Variants in ACAD11 observed in about 807,000 individuals in gnomAD.
The protein encoded by ACAD11 is acyl-CoA dehydrogenase family member 11.
A neutral mutation model predicts 102.2 loss-of-function variants in ACAD11; 83 were observed. The observed-to-expected ratio is 0.81, with a 90% CI of 0.68 to 0.97. The LOEUF is 0.97. Among genes scored for constraint, ACAD11 ranks in the 50% least tolerant of loss-of-function variants. ACAD11 has a pLI of 0.00. For missense variants in ACAD11, 901 were observed against 951.7 expected, an observed-to-expected ratio of 0.95 and a Z score of 0.70; for synonymous variants, 324 against 319.8, an observed-to-expected ratio of 1.01 and a Z score of -0.14.
At chr3:132,616,141 G>C (rs1451648860) in intron 11 of ACAD11, among the ~76,000 whole-genome samples, 1 of 152,094 alleles carries the variant, frequency 6.6e-6, no homozygotes, top group African/African-American at 2.4e-5. Flanking sequence ...AAGAGAAAAC[G>C]CCTAGTTTTC....
At chr3:132,600,524 T>C (rs1170009053) in intron 13 of ACAD11, 1 of 1,613,920 alleles carries the variant, frequency 6.2e-7, no homozygotes, top group Admixed American at 1.7e-5. Context: ...TGCAAAAGTT[T>C]TCCTCCCTGT....
chr3:132,565,646 TC>T (rs1274321339), intron 17 of ACAD11, among the ~76,000 whole-genome samples: 4 of 152,156 alleles, frequency 2.6e-5, no homozygotes, highest in African/African-American at 9.7e-5. Flanking sequence ...CTCCTCCAAA[TC>T]GCATATTGAA....
At chr3:132,577,916 T>C (rs2107793475) in intron 15 of ACAD11, among the ~76,000 whole-genome samples, 1 of 152,324 alleles carries the variant, frequency 6.6e-6, no homozygotes, top group East Asian at 1.9e-4. Flanking sequence ...TGCAATTTTC[T>C]CCAGCAAGCT....
At chr3:132,562,480 G>A (rs1185935827) in intron 17 of ACAD11, among the ~76,000 whole-genome samples, 1 of 152,212 alleles carries the variant, frequency 6.6e-6, no homozygotes, top group Admixed American at 6.5e-5. Flanking sequence ...AGCAGGAGTA[G>A]AATTGTTGGG....
At chr3:132,567,051 T>G (rs1937234348) in intron 17 of ACAD11, among the ~76,000 whole-genome samples, 1 of 152,186 alleles carries the variant, frequency 6.6e-6, no homozygotes, top group Non-Finnish European at 1.5e-5. Context: ...TGATCTCAGC[T>G]CACTGCAACC....
Position 132,575,884 on chromosome 3 carries a change from G to A in ACAD11, c.1889C>T (p.Pro630Leu), listed in dbSNP as rs1937516102. Residue 630 changes from proline (P) to leucine (L), a missense_variant, in exon 17 of 20, where the codon CCT (proline) becomes CTT (leucine). Physicochemically the swap from Pro to Leu is moderately conservative, Grantham distance 98 (BLOSUM62 -3). Transcript: ENST00000264990. ...TCTCATACAGTGGTGGATTCTGCCAGGTCCAAGGCGGCCTTGGGAAATTTC... is the reference window on the plus strand; with the variant it reads ...TCTCATACAGTGGTGGATTCTGCCAAGTCCAAGGCGGCCTTGGGAAATTTC... ...GFEISQGRLG[P>L]GRIHHCMRTV... 6.2e-7 allele frequency: 1 copy of A among 1,613,962 alleles called. No individual in the cohort carries two copies.
intron 5 of ACAD11, among the ~76,000 whole-genome samples, chr3:132,638,179 T>C (rs1408349931): frequency 1.3e-5 from 2 of 152,134 alleles, no homozygotes; most frequent in Non-Finnish European, 2.9e-5. Context: ...TGCTCCACAT[T>C]GACTGTTTCA....
chr3:132,628,046 TGTAA>T (rs1332017743), intron 8 of ACAD11, among the ~76,000 whole-genome samples: 2 of 152,246 alleles, frequency 1.3e-5, no homozygotes, highest in South Asian at 2.1e-4. Context: ...ATTAGATATA[TGTAA>T]GTGACTTAAA....
chr3:132,621,434 T>C (rs1939604267), intron 9 of ACAD11: 1 of 152,152 alleles, frequency 6.6e-6, no homozygotes, highest in African/African-American at 2.4e-5. Context: ...AGAAAATAAC[T>C]GTCATTGTAA....
At chr3:132,574,733 A>G (rs548554166) in intron 17 of ACAD11, among the ~76,000 whole-genome samples, 7 of 152,340 alleles carry the variant, frequency 4.6e-5, no homozygotes, top group African/African-American at 1.7e-4. Context: ...TGCCTTCTTA[A>G]AACTTAGAAG....
At position 132,603,680 on chromosome 3, in the gene ACAD11, A is replaced by T. The variant is rs529362607; in HGVS notation, c.1523-353T>A. Reference sequence around the variant, plus strand: ...CAATGGAGATATGTACTAAATATTGATTGGCAAGACAGATTCCCCCCATAT... The same window carrying T: ...CAATGGAGATATGTACTAAATATTGTTTGGCAAGACAGATTCCCCCCATAT... On this transcript the variant is annotated intron_variant, in intron 12 of 19. Coordinates refer to ENST00000264990, the MANE Select transcript of ACAD11 (RefSeq NM_032169.5). 2.0e-5 allele frequency among the ~76,000 whole-genome samples: 3 copies of T among 152,334 alleles called. No individual in the cohort carries two copies. The South Asian group carries it at 6.2e-4, about 32-fold the overall frequency.
chr3:132,564,032 A>AT (rs1182094716), intron 17 of ACAD11, among the ~76,000 whole-genome samples: 2 of 152,134 alleles, frequency 1.3e-5, no homozygotes, highest in African/African-American at 2.4e-5. Context: ...TGATCATGTG[A>AT]TTTTTTTAAT....
At chr3:132,640,731 T>C (rs896034887) in intron 4 of ACAD11, among the ~76,000 whole-genome samples, 1 of 152,148 alleles carries the variant, frequency 6.6e-6, no homozygotes, top group Non-Finnish European at 1.5e-5. Context: ...TAATAATACC[T>C]ATATCTTAGA....
intron 1 of ACAD11, among the ~76,000 whole-genome samples, chr3:132,652,061 T>C (rs577993095): frequency 5.3e-5 from 8 of 152,188 alleles, no homozygotes; most frequent in Non-Finnish European, 8.8e-5. Context: ...TGGAATGATA[T>C]GGTTTGGCTG....
intron 11 of ACAD11, among the ~76,000 whole-genome samples, chr3:132,607,874 A>G (rs2107831515): frequency 6.6e-6 from 1 of 152,302 alleles, no homozygotes; most frequent in South Asian, 2.1e-4. Context: ...GCAGCCAGAG[A>G]GGTCAGGTTA....
At position 132,598,706 on chromosome 3, in the gene ACAD11, A is replaced by G. The variant is rs140227134; in HGVS notation, c.1621+4523T>C. 5.3e-5 allele frequency among the ~76,000 whole-genome samples: 8 copies of G among 152,340 alleles called. No homozygotes were observed. In the East Asian group the frequency reaches 1.5e-3, roughly 29 times the overall value. ...AAAGGAACAGAATGAGCAATGATGT[A>G]GACAGATGCTGCTGCATGGTGGGTG... On this transcript the variant is annotated intron_variant, in intron 13 of 19. Transcript: ENST00000264990.
intron 11 of ACAD11, among the ~76,000 whole-genome samples, chr3:132,615,605 T>C (rs2107843000): frequency 1.3e-5 from 2 of 152,200 alleles, no homozygotes; most frequent in South Asian, 4.1e-4. Flanking sequence ...ATATTCTCAC[T>C]CATAAGTAGG....
At chr3:132,594,820 T>G (rs1938231501) in intron 13 of ACAD11, among the ~76,000 whole-genome samples, 1 of 152,174 alleles carries the variant, frequency 6.6e-6, no homozygotes, top group Admixed American at 6.6e-5. Context: ...AAAGAGATTA[T>G]TATCTGATAA....
chr3:132,619,157 G>T (rs544335916), intron 10 of ACAD11, among the ~76,000 whole-genome samples: 6 of 152,102 alleles, frequency 3.9e-5, no homozygotes, highest in South Asian at 2.1e-4. Context: ...ATGAAATTTG[G>T]ATTAATTCTA....
Sources: gnomAD v4.1 joint callset for allele counts (sites outside exome capture counted in the v4.1 genomes callset) on GRCh38, gnomAD v4.1.1 for gene constraint, MANE v1.5 for transcripts, NCBI Gene and HGNC (gene_info 2026-07-23, HGNC 2026-07-21) for gene names.